The following TNIK variants were observed in gnomAD, a reference collection of about 807,000 sequenced individuals.
The protein encoded by TNIK is TRAF2 and NCK interacting kinase, also known as TRAF2 and NCK-interacting protein kinase.
TNIK carries 49 observed loss-of-function variants against 191.3 expected under a neutral mutation model. The ratio of observed to expected loss-of-function variants is 0.26; its 90% CI spans 0.20 to 0.32. The LOEUF is 0.32. TNIK is among the 10% of genes least tolerant of loss of function. The pLI, the probability that TNIK is intolerant of heterozygous loss-of-function variation, is 1.00. For missense variants in TNIK, 1,155 were observed against 1,702.3 expected (o/e 0.68, Z 5.66); for synonymous variants, 594 against 600.9 (o/e 0.99, Z 0.17).
chr3:171,276,345 G>T (rs1749746647), intron 2 of TNIK, among the ~76,000 whole-genome samples: 1 of 152,192 alleles, frequency 6.6e-6, no homozygotes, highest in East Asian at 1.9e-4. Context: ...AGAGTGACAG[G>T]TAAGCATCAA....
chr3:171,380,323 G>A (rs915169595), intron 1 of TNIK, among the ~76,000 whole-genome samples: 3 of 152,160 alleles, frequency 2.0e-5, no homozygotes, highest in African/African-American at 7.2e-5. Context: ...CCTTTTTGAA[G>A]ATACTTAGAT....
intron 2 of TNIK, among the ~76,000 whole-genome samples, chr3:171,291,497 T>C (rs890465615): frequency 3.9e-5 from 6 of 152,222 alleles, no homozygotes; most frequent in Admixed American, 2.0e-4. Context: ...GACATTTTCA[T>C]TGGATACAGA....
chr3:171,139,638 C>G (rs150190057), intron 13 of TNIK, 82 bp from the exon 14 acceptor site: 11 of 1,375,764 alleles, frequency 8.0e-6, no homozygotes, highest in Non-Finnish European at 1.1e-5. Flanking sequence ...CGACAAGAGC[C>G]GCTAAGTAAA....
intron 3 of TNIK, among the ~76,000 whole-genome samples, chr3:171,224,554 C>T (rs1577172430): frequency 6.6e-6 from 1 of 152,170 alleles, no homozygotes; most frequent in East Asian, 1.9e-4. Flanking sequence ...AAGTGGTACT[C>T]TCATTTTGAT....
intron 10 of TNIK, among the ~76,000 whole-genome samples, chr3:171,162,851 A>T (rs996938776): frequency 1.1e-4 from 16 of 152,252 alleles, no homozygotes; most frequent in Non-Finnish European, 2.2e-4. Context: ...CCAACTTAAA[A>T]AATAGTGCTC....
At chr3:171,199,812 C>G (rs986591659) in intron 4 of TNIK, among the ~76,000 whole-genome samples, 16 of 152,208 alleles carry the variant, frequency 1.1e-4, no homozygotes, top group Non-Finnish European at 2.1e-4. Flanking sequence ...GGATATAATG[C>G]TGCTAGCAGC....
intron 7 of TNIK, among the ~76,000 whole-genome samples, chr3:171,182,446 T>A (rs1381666674): frequency 6.6e-6 from 1 of 151,924 alleles, no homozygotes; most frequent in Non-Finnish European, 1.5e-5. Context: ...AAGAACAAGA[T>A]GAGGAAAGAG....
chr3:171,340,441 T>C (rs778440746), intron 2 of TNIK, among the ~76,000 whole-genome samples: 1 of 152,200 alleles, frequency 6.6e-6, no homozygotes, highest in Non-Finnish European at 1.5e-5. Flanking sequence ...GTAAACCGAA[T>C]ACATAAACAG....
intron 15 of TNIK, among the ~76,000 whole-genome samples, chr3:171,134,065 C>T (rs1383095523): frequency 6.6e-6 from 1 of 151,964 alleles, no homozygotes; most frequent in Non-Finnish European, 1.5e-5. Flanking sequence ...AAGGGGAGCC[C>T]ACACAGTTAT....
In TNIK at chr3:171,382,215, C is replaced by T. The variant is rs991491600; in HGVS notation, c.58-12530G>A. Among the ~76,000 whole-genome samples, 14 of 122,020 alleles carry T rather than the reference C, an allele frequency of 1.1e-4. 2 individuals are homozygous for T. The highest frequency in any genetic ancestry group is 4.0e-4 in the African/African-American group (14 of 34,742). 80.0% of individuals were successfully genotyped at this position (122,020 alleles called of 152,430 possible). ...TGGCAGTCTCTAAGGTTGTTGAATA[C>T]ATCTTTTTTTTTTTTTTTTTTTTTT... On this transcript the variant is annotated intron_variant, in intron 1 of 32. Transcript: ENST00000436636.
At chr3:171,363,596 A>G (rs944407389) in intron 2 of TNIK, among the ~76,000 whole-genome samples, 1 of 152,240 alleles carries the variant, frequency 6.6e-6, no homozygotes, top group Non-Finnish European at 1.5e-5. Flanking sequence ...ATAATACATG[A>G]TTCATTGCAG....
chr3:171,288,878 T>A (rs1490713117), intron 2 of TNIK, among the ~76,000 whole-genome samples: 1 of 150,624 alleles, frequency 6.6e-6, no homozygotes, highest in African/African-American at 2.4e-5. Context: ...TTTCTTGAAA[T>A]AAACATTTAT....
At chr3:171,312,151 T>C (rs1230894698) in intron 2 of TNIK, among the ~76,000 whole-genome samples, 2 of 122,708 alleles carry the variant, frequency 1.6e-5, no homozygotes, top group Admixed American at 8.8e-5. Flanking sequence ...AGGGCTAGAC[T>C]GGCATATCTG....
chr3:171,455,078 A>G (rs7618207), intron 1 of TNIK, among the ~76,000 whole-genome samples: 5,468 of 152,302 alleles, frequency 0.036, 342 homozygotes, highest in African/African-American at 0.12. Flanking sequence ...CTTACCTCAT[A>G]TGTAATGAAT....
intron 5 of TNIK, 59 bp downstream of exon 5, chr3:171,194,466 A>G (rs1738423148): frequency 7.0e-7 from 1 of 1,435,564 alleles, no homozygotes; most frequent in African/African-American, 1.4e-5. Flanking sequence ...ATCCCTCATA[A>G]GATATCATGT....
At chr3:171,307,140 A>AT (rs1753544507) in intron 2 of TNIK, among the ~76,000 whole-genome samples, 2 of 152,108 alleles carry the variant, frequency 1.3e-5, no homozygotes, top group African/African-American at 4.8e-5. Context: ...TCCAAAACCT[A>AT]TTTTCTATTT....
At chr3:171,301,745 G>A (rs1752910274) in intron 2 of TNIK, among the ~76,000 whole-genome samples, 1 of 152,208 alleles carries the variant, frequency 6.6e-6, no homozygotes, top group South Asian at 2.1e-4. Flanking sequence ...ATCAAAAGAA[G>A]CAGCTATACA....
intron 1 of TNIK, among the ~76,000 whole-genome samples, chr3:171,408,765 T>C (rs1025418462): frequency 2.0e-5 from 3 of 152,210 alleles, no homozygotes; most frequent in African/African-American, 7.2e-5. Flanking sequence ...TCCCTCTGGC[T>C]GAACCCCAGT....
intron 7 of TNIK, among the ~76,000 whole-genome samples, chr3:171,182,913 C>T (rs1029263117): frequency 1.1e-4 from 17 of 152,174 alleles, no homozygotes; most frequent in African/African-American, 3.6e-4. Flanking sequence ...AAAAGAACTG[C>T]AACAGGAAAA....
Sources: gnomAD v4.1 joint callset for allele counts (sites outside exome capture counted in the v4.1 genomes callset) on GRCh38, gnomAD v4.1.1 for gene constraint, MANE v1.5 for transcripts, NCBI Gene and HGNC (gene_info 2026-07-23, HGNC 2026-07-21) for gene names.